The following MYO18A variants were observed in gnomAD, a reference collection of about 807,000 sequenced individuals.
The protein encoded by MYO18A is unconventional myosin-XVIIIa.
Under a neutral mutation model 235.8 loss-of-function variants are expected in MYO18A, and 78 were observed. The ratio of observed to expected loss-of-function variants is 0.33; its 90% CI spans 0.28 to 0.40. The LOEUF (loss-of-function observed/expected upper bound fraction) is 0.40. Among genes scored for constraint, MYO18A ranks in the 10% least tolerant of loss-of-function variants. The pLI, the probability that MYO18A is intolerant of heterozygous loss-of-function variation, is 1.00. For synonymous variants in MYO18A, 977 were observed against 1,077.8 expected, an observed-to-expected ratio of 0.91 and a Z score of 1.83; for missense variants, 2,215 against 2,699.3, an observed-to-expected ratio of 0.82 and a Z score of 3.98.
At chr17:29,101,337 G>A (rs904575504) in intron 21 of MYO18A, among the ~76,000 whole-genome samples, 2 of 152,020 alleles carry the variant, frequency 1.3e-5, no homozygotes, top group South Asian at 2.1e-4. Context: ...ACAGAGTCTT[G>A]CTCTGTCACC....
At position 29,098,975 on chromosome 17, in the gene MYO18A, G is replaced by A. The variant is rs75756286; in HGVS notation, c.3637-6C>T. On this transcript the variant is annotated splice_polypyrimidine_tract_variant and splice_region_variant and intron_variant, in intron 22 of 41. Coordinates refer to ENST00000527372, the MANE Select transcript of MYO18A (RefSeq NM_078471.4). The stretch of plus-strand genomic sequence containing the variant: ...CGAATGGCCAGGTCCTGGATCTGCA[G>A]GTGGGGTGGGGGTGGTGCACAGCGG... 6.2e-7 allele frequency: 1 copy of A among 1,612,830 alleles called. No homozygotes were observed. Among genetic ancestry groups the A allele is most frequent in the South Asian group, 1.1e-5 (1 of 91,048 alleles).
chr17:29,110,131 G>T, intron 18 of MYO18A, 30 bp from the exon 19 acceptor site: 1 of 1,598,744 alleles, frequency 6.3e-7, no homozygotes, highest in Non-Finnish European at 8.5e-7. Context: ...GCCCTCAGTG[G>T]GCTCTGATGG....
At chr17:29,107,372 A>G in intron 19 of MYO18A, 183 bp from the exon 20 acceptor site, 1 of 608,766 alleles carries the variant, frequency 1.6e-6, no homozygotes, top group South Asian at 1.9e-5. Context: ...GAGGAAGAGA[A>G]GGTCAGGAGG....
intron 41 of MYO18A, chr17:29,080,333 C>T: frequency 3.0e-6 from 3 of 986,168 alleles, no homozygotes; most frequent in Non-Finnish European, 3.6e-6. Flanking sequence ...CTGGGAGGCT[C>T]ATCCACTGCC....
At chr17:29,084,136 G>A (rs561469974) in intron 40 of MYO18A, among the ~76,000 whole-genome samples, 1 of 152,320 alleles carries the variant, frequency 6.6e-6, no homozygotes, top group East Asian at 1.9e-4. Context: ...GCCGGAACCT[G>A]GTTAGAGCTG....
chr17:29,093,465 T>C (rs1378879150), intron 31 of MYO18A, 38 bp from the exon 32 acceptor site: 1 of 1,530,352 alleles, frequency 6.5e-7, no homozygotes, highest in Non-Finnish European at 9.0e-7. Flanking sequence ...TCCGTCCCTT[T>C]AGTGCCTGGT....
rs1814700319 is a variant in MYO18A, at chr17:29,074,095, C to G, written c.*675G>C. On this transcript the variant is annotated 3_prime_UTR_variant, in exon 42 of 42. Coordinates refer to ENST00000527372, the MANE Select transcript of MYO18A (RefSeq NM_078471.4). The surrounding 1 kb of genome is among the most constrained non-coding windows in gnomAD (Gnocchi z 4.4). ...CCCAGCCCAGCAGCACCGGAGAGCC[C>G]CTCCGCACCTCATTCTTAAGAACCT... 8 of 1,614,010 alleles carry G rather than the reference C, an allele frequency of 5.0e-6. No homozygotes were observed. Among genetic ancestry groups the G allele is most frequent in the Non-Finnish European group, 6.8e-6 (8 of 1,180,004 alleles).
At chr17:29,167,774 T>A (rs557512648) in intron 1 of MYO18A, among the ~76,000 whole-genome samples, 3 of 150,916 alleles carry the variant, frequency 2.0e-5, no homozygotes, top group African/African-American at 7.3e-5. Context: ...CCACAGACAA[T>A]GTTCGTTTAA....
At chr17:29,108,813 T>C (rs1211369380) in intron 19 of MYO18A, among the ~76,000 whole-genome samples, 1 of 424 alleles carries the variant, frequency 2.4e-3, no homozygotes, top group African/African-American at 8.2e-3. Context: ...ATCAGTGCTA[T>C]AGTGCGGTGG....
In MYO18A at chr17:29,111,699, T is replaced by C. The variant is rs746814430; in HGVS notation, c.2740+23A>G. On this transcript the variant is annotated intron_variant, in intron 16 of 41. Transcript: ENST00000527372. The surrounding 1 kb of genome is among the most constrained non-coding windows in gnomAD (Gnocchi z 5.1). ...TGTATGTAAGAGGAAGCAGAGGAGCTACCCTCTAGGGATGCCACCTACCTT... is the reference window on the plus strand; with the variant it reads ...TGTATGTAAGAGGAAGCAGAGGAGCCACCCTCTAGGGATGCCACCTACCTT... The C allele has an allele frequency of 2.5e-6, 4 of 1,613,050 alleles. No individual in the cohort carries two copies. Among genetic ancestry groups the C allele is most frequent in the Non-Finnish European group, 3.4e-6 (4 of 1,179,504 alleles).
In MYO18A at chr17:29,093,011, C is replaced by A. The variant is rs765675692; in HGVS notation, c.4927-10G>T. 2.5e-6 allele frequency: 4 copies of A among 1,611,810 alleles called. No individual in the cohort carries two copies. Among genetic ancestry groups the A allele is most frequent in the South Asian group, 1.1e-5 (1 of 90,962 alleles). On this transcript the variant is annotated splice_polypyrimidine_tract_variant and intron_variant, in intron 32 of 41. Coordinates refer to ENST00000527372, the MANE Select transcript of MYO18A (RefSeq NM_078471.4). ...AGTCCCGCCGGTTCACCTGGGTGGG[C>A]ACCAGCAGTTGGGGTTCTGGGCTCT...
chr17:29,107,882 C>T (rs2066831130), intron 19 of MYO18A, among the ~76,000 whole-genome samples: 2 of 149,010 alleles, frequency 1.3e-5, no homozygotes, highest in Non-Finnish European at 3.0e-5. Context: ...CACCACTGCA[C>T]TCCAGCCTGG....
chr17:29,150,368 G>A (rs189319117), intron 2 of MYO18A, among the ~76,000 whole-genome samples: 185 of 152,372 alleles, frequency 1.2e-3, no homozygotes, highest in Non-Finnish European at 2.1e-3. Context: ...TTACAAAGCT[G>A]GGCAGAAGAC....
chr17:29,121,344 T>C lies in MYO18A; in HGVS notation c.1372-133A>G. On this transcript the variant is annotated intron_variant, in intron 5 of 41. Coordinates refer to ENST00000527372, the MANE Select transcript of MYO18A (RefSeq NM_078471.4). The surrounding 1 kb of genome is among the most constrained non-coding windows in gnomAD (Gnocchi z 4.2). Reference sequence around the variant, plus strand: ...CCCAGGGATTCCAAGGCCAAGGCCATGCATGGAAATGAAGACACTAAGTCC... The same window carrying C: ...CCCAGGGATTCCAAGGCCAAGGCCACGCATGGAAATGAAGACACTAAGTCC... The C allele has an allele frequency of 1.8e-6, 2 of 1,139,984 alleles. No individual in the cohort carries two copies. Among genetic ancestry groups the C allele is most frequent in the South Asian group, 1.5e-5 (1 of 66,252 alleles). 70.6% of individuals were successfully genotyped at this position (1,139,984 alleles called of 1,614,324 possible). A position where few individuals can be genotyped will look rare whatever the true frequency, so the allele number is the denominator to read the frequency against.
chr17:29,087,776 AGG>A (rs1165188575), intron 37 of MYO18A, among the ~76,000 whole-genome samples: 1 of 151,712 alleles, frequency 6.6e-6, no homozygotes, highest in Non-Finnish European at 1.5e-5. Context: ...GCCAGGCTGC[AGG>A]ATTGGGCCGT....
At chr17:29,153,902 T>C (rs1345687251) in intron 2 of MYO18A, among the ~76,000 whole-genome samples, 1 of 151,730 alleles carries the variant, frequency 6.6e-6, no homozygotes, top group East Asian at 1.9e-4. Context: ...AAATCAGTCA[T>C]CAAAGGAAGA....
Position 29,087,120 on chromosome 17 carries a change from C to A in MYO18A, c.5528G>T (p.Ser1843Ile), listed in dbSNP as rs768213621. The A allele has an allele frequency of 1.2e-6, 2 of 1,612,374 alleles. No homozygotes were observed. The highest frequency in any genetic ancestry group is 3.3e-5 in the Admixed American group (2 of 59,910). ...FERTQVKRLE[S>I]LASRLKENME... ...GTTTTCCTTGAGACGGCTAGCCAGG[C>A]TCTGGATAGGTAGGTGGGGAAGAAA... Residue 1843 changes from serine (S) to isoleucine (I), a missense_variant and splice_region_variant, in exon 38 of 42, where the codon AGC becomes ATC. Coordinates refer to ENST00000527372, the MANE Select transcript of MYO18A (RefSeq NM_078471.4).
intron 2 of MYO18A, among the ~76,000 whole-genome samples, chr17:29,123,470 TAAG>T (rs905075110): frequency 6.6e-6 from 1 of 152,164 alleles, no homozygotes; most frequent in Non-Finnish European, 1.5e-5. Flanking sequence ...TAAGAAAACA[TAAG>T]AAGTATGTTC....
intron 17 of MYO18A, among the ~76,000 whole-genome samples, chr17:29,110,855 C>A (rs1054919229): frequency 1.3e-5 from 2 of 152,162 alleles, no homozygotes; most frequent in African/African-American, 4.8e-5. Flanking sequence ...GGACAGGAAT[C>A]GGACAGAGGG....
Sources: gnomAD v4.1 joint callset for allele counts (sites outside exome capture counted in the v4.1 genomes callset) on GRCh38, gnomAD v4.1.1 for gene constraint, Gnocchi (gnomAD v3.1) non-coding constraint, MANE v1.5 for transcripts, NCBI Gene and HGNC (gene_info 2026-07-23, HGNC 2026-07-21) for gene names.